DNAH14: variants seen among roughly 807,000 people sequenced by gnomAD.
The protein encoded by DNAH14 is dynein axonemal heavy chain 14.
A neutral mutation model predicts 520.9 loss-of-function variants in DNAH14; 478 were observed. The observed-to-expected ratio is 0.92, with a 90% CI of 0.85 to 0.99. The LOEUF (loss-of-function observed/expected upper bound fraction) is 0.99, where lower values mean the gene tolerates loss of function less well. DNAH14 is among the 50% of genes least tolerant of loss of function. DNAH14 has a pLI of 0.00. For missense variants in DNAH14, 4,831 were observed against 5,234.5 expected (o/e 0.92, Z 2.38); for synonymous variants, 1,581 against 1,757.2 (o/e 0.90, Z 2.51).
chr1:224,956,150 A>G (rs891173767), intron 3 of DNAH14, among the ~76,000 whole-genome samples: 1 of 151,990 alleles, frequency 6.6e-6, no homozygotes, highest in African/African-American at 2.4e-5. Context: ...ATACTTGTCT[A>G]TCTGCTCATT....
In DNAH14 at chr1:225,206,185, C is replaced by T. The variant is rs1047886612; in HGVS notation, c.6186+6C>T. 1 of 1,529,036 alleles carries T rather than the reference C, an allele frequency of 6.5e-7. No homozygotes were observed. The highest frequency in any genetic ancestry group is 8.8e-7 in the Non-Finnish European group (1 of 1,132,944). 94.7% of individuals were successfully genotyped at this position (1,529,036 alleles called of 1,614,324 possible). A position where few individuals can be genotyped will look rare whatever the true frequency, so the allele number is the denominator to read the frequency against. On this transcript the variant is annotated splice_donor_region_variant and intron_variant, in intron 40 of 85. Transcript: ENST00000682510. Reference sequence around the variant, plus strand: ...GATGTGCCATGGTCTATATGGTAAGCTTTCAAAAACAAATGTTTTAACAAA... The same window carrying T: ...GATGTGCCATGGTCTATATGGTAAGTTTTCAAAAACAAATGTTTTAACAAA...
At chr1:225,154,887 A>G (rs1040458989) in intron 34 of DNAH14, among the ~76,000 whole-genome samples, 1 of 152,080 alleles carries the variant, frequency 6.6e-6, no homozygotes, top group Non-Finnish European at 1.5e-5. Context: ...AAAAAATTGT[A>G]ACTCATATTA....
intron 23 of DNAH14, among the ~76,000 whole-genome samples, chr1:225,101,678 G>C (rs1021687453): frequency 6.6e-6 from 1 of 152,064 alleles, no homozygotes; most frequent in African/African-American, 2.4e-5. Context: ...TGTTCTTGCA[G>C]ATGACAAGAT....
At chr1:225,079,144 GTAAT>G in intron 17 of DNAH14, 59 bp from the exon 18 acceptor site, 3 of 1,365,162 alleles carry the variant, frequency 2.2e-6, no homozygotes, top group Admixed American at 2.7e-5. Flanking sequence ...ATTAAAAAGA[GTAAT>G]TAGTCTTCCA....
rs151213052 is a variant in DNAH14 at position 225,200,856 on chromosome 1, A to C, written c.5887-3327A>C. On this transcript the variant is annotated intron_variant, in intron 38 of 85. Coordinates refer to ENST00000682510, the MANE Select transcript of DNAH14 (RefSeq NM_001367479.1). ...CCTACGCGATGATCTTTTTGCAATG[A>C]ATTTCCCAGGTGTTCATCGAGCTTC... is the stretch of plus-strand genomic sequence containing the variant. Among the ~76,000 whole-genome samples the C allele has an allele frequency of 5.0e-3, 761 of 152,180 alleles. 6 individuals carry two copies. The highest frequency in any genetic ancestry group is 0.017 in the African/African-American group (718 of 41,536).
intron 1 of DNAH14, among the ~76,000 whole-genome samples, chr1:224,930,491 A>G (rs2058614828): frequency 6.6e-6 from 1 of 152,210 alleles, no homozygotes; most frequent in Non-Finnish European, 1.5e-5. Context: ...TGGTGATGCT[A>G]TTGTAAACTG....
chr1:225,252,710 G>C (rs1024635314), intron 44 of DNAH14, among the ~76,000 whole-genome samples: 2 of 152,050 alleles, frequency 1.3e-5, no homozygotes, highest in African/African-American at 2.4e-5. Flanking sequence ...ATTTCAATTA[G>C]CTGTAATTAT....
chr1:224,970,075 T>C (rs2061414760), intron 7 of DNAH14, among the ~76,000 whole-genome samples: 1 of 152,188 alleles, frequency 6.6e-6, no homozygotes, highest in Admixed American at 6.5e-5. Context: ...ATATTTCTCT[T>C]TCAAAAGCAA....
At chr1:225,012,379 T>C (rs1023212158) in intron 10 of DNAH14, among the ~76,000 whole-genome samples, 22 of 152,130 alleles carry the variant, frequency 1.4e-4, no homozygotes, top group African/African-American at 4.3e-4. Flanking sequence ...GGCTGACCTT[T>C]ACATTTTTTT....
At chr1:224,977,726 T>C (rs2061967336) in intron 8 of DNAH14, among the ~76,000 whole-genome samples, 1 of 152,120 alleles carries the variant, frequency 6.6e-6, no homozygotes, top group Admixed American at 6.5e-5. Context: ...ATCCACAGGG[T>C]GAAGAGACAG....
At chr1:225,033,872 A>C (rs892249382) in intron 11 of DNAH14, among the ~76,000 whole-genome samples, 12 of 151,892 alleles carry the variant, frequency 7.9e-5, no homozygotes, top group Non-Finnish European at 1.2e-4. Flanking sequence ...TCTTGGCTTG[A>C]TTGTTGTTAG....
rs2075377199 is a variant in DNAH14, at chr1:225,100,751, T to C, written c.3734T>C (p.Ile1245Thr). ...GAAACAGAACTTTTCTCTCAAGTGA[T>C]TTCCATGTGGAAAAAAATAATGTCA... ...PAETELFSQV[I>T]SMWKKIMSKI... Residue 1245 changes from isoleucine (I) to threonine (T), a missense_variant, in exon 23 of 86, where the codon ATT becomes ACT. Coordinates refer to ENST00000682510, the MANE Select transcript of DNAH14 (RefSeq NM_001367479.1). The C allele has an allele frequency of 6.5e-7, 1 of 1,533,736 alleles. No homozygotes were observed. The highest frequency in any genetic ancestry group is 1.3e-5 in the South Asian group (1 of 79,868).
In DNAH14 at chr1:225,071,763, G is replaced by A. The variant is rs867837699; in HGVS notation, c.2425-7444G>A. ...AAGCAAGCATGTTTGTCTTCACATG[G>A]TGACAGGAAGGAGAAGTGCCAAACA... is the stretch of plus-strand genomic sequence containing the variant. On this transcript the variant is annotated intron_variant, in intron 17 of 85. Coordinates refer to ENST00000682510, the MANE Select transcript of DNAH14 (RefSeq NM_001367479.1). 4.6e-5 allele frequency among the ~76,000 whole-genome samples: 7 copies of A among 152,304 alleles called. 1 individual carries two copies. Among genetic ancestry groups the A allele is most frequent in the South Asian group, 4.1e-4 (2 of 4,828 alleles).
intron 21 of DNAH14, among the ~76,000 whole-genome samples, chr1:225,086,537 A>G (rs1572965616): frequency 6.6e-6 from 1 of 152,310 alleles, no homozygotes; most frequent in East Asian, 1.9e-4. Flanking sequence ...ACATATATAT[A>G]CATGCATCTA....
chr1:225,060,022 G>A (rs2929631), intron 17 of DNAH14, among the ~76,000 whole-genome samples: 121,869 of 145,902 alleles, frequency 0.84, 54,146 homozygotes, highest in Non-Finnish European at 0.99. Flanking sequence ...TGCTCTTCTC[G>A]AGGAGTATCT....
At chr1:225,057,776 A>G (rs1262908200) in intron 17 of DNAH14, among the ~76,000 whole-genome samples, 2 of 152,198 alleles carry the variant, frequency 1.3e-5, no homozygotes, top group Non-Finnish European at 2.9e-5. Context: ...TTCTACATCT[A>G]TTGAGATAGT....
At chr1:225,266,036 G>T (rs1273515040) in intron 48 of DNAH14, among the ~76,000 whole-genome samples, 1 of 151,934 alleles carries the variant, frequency 6.6e-6, no homozygotes, top group Non-Finnish European at 1.5e-5. Context: ...ACAGTCTAAA[G>T]GAGCTAGTGC....
At chr1:225,365,220 C>T (rs535782124) in intron 76 of DNAH14, among the ~76,000 whole-genome samples, 13 of 152,224 alleles carry the variant, frequency 8.5e-5, no homozygotes, top group East Asian at 5.8e-4. Flanking sequence ...CCTACTTAAC[C>T]GTTTTATTAT....
At position 225,346,564 on chromosome 1, in the gene DNAH14, G is replaced by A. The variant is rs1350612333; in HGVS notation, c.11206G>A (p.Gly3736Arg). ...ANGNLIQDDI[G>R]FLPEEEWNIF... ...TGGAAATCTAATACAGGATGACATT[G>A]GATTCCTACCAGAAGAAGAATGGAA... is the stretch of plus-strand genomic sequence containing the variant. Residue 3736 changes from glycine (G) to arginine (R), a missense_variant, in exon 71 of 86, where the codon GGA becomes AGA. Coordinates refer to ENST00000682510, the MANE Select transcript of DNAH14 (RefSeq NM_001367479.1). The A allele has an allele frequency of 1.4e-5, 21 of 1,550,866 alleles. No homozygotes were observed. The highest frequency in any genetic ancestry group is 1.7e-5 in the Non-Finnish European group (20 of 1,146,504).
Sources: allele counts gnomAD v4.1 joint callset (sites outside exome capture counted in the v4.1 genomes callset), GRCh38; gene constraint gnomAD v4.1.1; transcripts MANE v1.5; gene names NCBI Gene and HGNC (gene_info 2026-07-23, HGNC 2026-07-21).